PDE4D: variants seen among roughly 807,000 people sequenced by gnomAD.
PDE4D encodes 3',5'-cyclic-AMP phosphodiesterase 4D.
In PDE4D, 24 loss-of-function variants were observed where a neutral mutation model predicts 87.4. The observed-to-expected ratio is 0.27, with a 90% CI of 0.20 to 0.39. The LOEUF (loss-of-function observed/expected upper bound fraction) is 0.39, where lower values mean the gene tolerates loss of function less well. Among genes scored for constraint, PDE4D ranks in the 10% least tolerant of loss-of-function variants. PDE4D has a pLI of 1.00. For synonymous variants in PDE4D, 384 were observed against 383.2 expected (o/e 1.00, Z -0.02); for missense variants, 714 against 1,041.0 (o/e 0.69, Z 4.32).
At chr5:59,329,154 C>A (rs775295552) in intron 1 of PDE4D, among the ~76,000 whole-genome samples, 70 of 152,182 alleles carry the variant, frequency 4.6e-4, no homozygotes, top group Non-Finnish European at 8.5e-4. Flanking sequence ...CCATAGGCTC[C>A]ACCCAGTTGC....
intron 1 of PDE4D, among the ~76,000 whole-genome samples, chr5:59,689,633 T>C (rs969886853): frequency 7.2e-5 from 11 of 152,156 alleles, no homozygotes; most frequent in Non-Finnish European, 1.5e-4. Flanking sequence ...GGGCAAAAGC[T>C]AGAAGCATTC....
At chr5:60,246,127 TTTC>T (rs1396041031) in intron 1 of PDE4D, among the ~76,000 whole-genome samples, 1 of 151,832 alleles carries the variant, frequency 6.6e-6, no homozygotes, top group Admixed American at 6.6e-5. Flanking sequence ...CTTTTTTCAT[TTTC>T]TTATATAGGC....
chr5:60,059,967 C>A (rs564851632), intron 2 of PDE4D, among the ~76,000 whole-genome samples: 2 of 152,038 alleles, frequency 1.3e-5, no homozygotes, highest in Non-Finnish European at 2.9e-5. Context: ...GCTTTTCATT[C>A]CTTAAACTTG....
intron 2 of PDE4D, among the ~76,000 whole-genome samples, chr5:60,171,488 C>T (rs550784941): frequency 9.4e-4 from 143 of 152,106 alleles, no homozygotes; most frequent in Middle Eastern, 3.4e-3. Flanking sequence ...TAGAGAAATG[C>T]ATGGATCTGA....
chr5:58,987,485 C>G (rs919097698), intron 11 of PDE4D, among the ~76,000 whole-genome samples: 1 of 152,116 alleles, frequency 6.6e-6, no homozygotes, highest in African/African-American at 2.4e-5. Context: ...AATCCTAAAG[C>G]TCTGAATTAA....
chr5:59,706,502 T>C (rs1029410038), intron 1 of PDE4D, among the ~76,000 whole-genome samples: 5 of 152,126 alleles, frequency 3.3e-5, no homozygotes, highest in African/African-American at 1.2e-4. Context: ...AAATCTGACA[T>C]TCTGTGCTCA....
chr5:59,499,804 C>T (rs746425873), intron 1 of PDE4D, among the ~76,000 whole-genome samples: 9 of 151,624 alleles, frequency 5.9e-5, no homozygotes, highest in Non-Finnish European at 1.2e-4. Flanking sequence ...CAAAAATAGC[C>T]CTGAACCAAA....
intron 1 of PDE4D, among the ~76,000 whole-genome samples, chr5:59,540,657 G>A (rs1816163146): frequency 6.6e-6 from 1 of 152,212 alleles, no homozygotes; most frequent in Non-Finnish European, 1.5e-5. Flanking sequence ...GTTGCTCAGT[G>A]TGAATTCTCA....
chr5:60,123,881 A>C (rs1455691668), intron 2 of PDE4D, among the ~76,000 whole-genome samples: 2 of 152,224 alleles, frequency 1.3e-5, no homozygotes, highest in Non-Finnish European at 2.9e-5. Context: ...TAAAATTCCA[A>C]ATAAATTAAA....
intron 1 of PDE4D, among the ~76,000 whole-genome samples, chr5:60,261,362 A>T (rs1038956284): frequency 1.3e-5 from 2 of 152,098 alleles, no homozygotes; most frequent in African/African-American, 4.8e-5. Flanking sequence ...ATTTGAACTG[A>T]TTCTCCTTCT....
chr5:59,534,357 T>C (rs977631409), intron 1 of PDE4D, among the ~76,000 whole-genome samples: 2 of 152,144 alleles, frequency 1.3e-5, no homozygotes, highest in Non-Finnish European at 2.9e-5. Flanking sequence ...TATTGTATGG[T>C]CTATAGTTTT....
intron 2 of PDE4D, among the ~76,000 whole-genome samples, chr5:60,017,414 A>G (rs1037089204): frequency 6.6e-6 from 1 of 152,090 alleles, no homozygotes; most frequent in Non-Finnish European, 1.5e-5. Context: ...TAAGCCCCAC[A>G]TGCATTAGCT....
chr5:60,449,833 T>C (rs191988701), intron 1 of PDE4D, among the ~76,000 whole-genome samples: 2 of 151,392 alleles, frequency 1.3e-5, no homozygotes, highest in Admixed American at 1.3e-4. Flanking sequence ...TGTATACATA[T>C]GTAACTAACC....
At position 59,893,234 on chromosome 5, in the gene PDE4D, G is replaced by A; in HGVS notation, c.389C>T (p.Thr130Ile). 6.4e-7 allele frequency: 1 copy of A among 1,558,858 alleles called. No homozygotes were observed. The highest frequency in any genetic ancestry group is 8.7e-7 in the Non-Finnish European group (1 of 1,151,062). ...AMDRTSYAVE[T>I]GHRPGLKKSR... ...TTTCTTCAGGCCGGGCCGGTGGCCGGTCTCCACCGCGTAGGAGGTGCGGTC... is the reference window on the plus strand; with the variant it reads ...TTTCTTCAGGCCGGGCCGGTGGCCGATCTCCACCGCGTAGGAGGTGCGGTC... Residue 130 changes from threonine (T) to isoleucine (I), a missense_variant, in exon 1 of 15, where the codon ACC becomes ATC. Thr to Ile is a moderately conservative substitution (Grantham distance 89). Around this residue, in one of 7 missense-constraint regions of PDE4D, gnomAD observed 268 missense variants for 272.9 expected, o/e 0.98. Coordinates refer to ENST00000340635, the MANE Select transcript of PDE4D (RefSeq NM_001104631.2).
At chr5:59,896,419 G>T (rs1751663649), upstream of PDE4D, among the ~76,000 whole-genome samples, 1 of 151,766 alleles carries the variant, frequency 6.6e-6, no homozygotes, top group Non-Finnish European at 1.5e-5. Flanking sequence ...AAACTTTGAT[G>T]TTATCAGAAT....
chr5:60,051,562 C>G (rs748291973), intron 2 of PDE4D, among the ~76,000 whole-genome samples: 9 of 152,120 alleles, frequency 5.9e-5, no homozygotes, highest in Non-Finnish European at 1.2e-4. Flanking sequence ...ATTTATAGGA[C>G]CAAATGCCCA....
At chr5:59,320,826 C>A (rs1414768409) in intron 1 of PDE4D, among the ~76,000 whole-genome samples, 1 of 151,868 alleles carries the variant, frequency 6.6e-6, no homozygotes, top group Non-Finnish European at 1.5e-5. Context: ...TCTTTTCTTC[C>A]TTCTTTCCTT....
intron 2 of PDE4D, among the ~76,000 whole-genome samples, chr5:60,176,374 G>T (rs779403623): frequency 2.0e-5 from 3 of 151,982 alleles, no homozygotes; most frequent in Non-Finnish European, 4.4e-5. Context: ...TGAATAGGTA[G>T]TTTGTATAGA....
intron 1 of PDE4D, among the ~76,000 whole-genome samples, chr5:59,581,513 T>G (rs886601327): frequency 6.6e-6 from 1 of 152,198 alleles, no homozygotes; most frequent in Non-Finnish European, 1.5e-5. Flanking sequence ...TTTTTCCTTT[T>G]GTAAGATTTC....
Sources: gnomAD v4.1 joint callset for allele counts (sites outside exome capture counted in the v4.1 genomes callset) on GRCh38, gnomAD v4.1.1 for gene constraint, gnomAD v4.1.1 regional missense constraint, MANE v1.5 for transcripts, NCBI Gene and HGNC (gene_info 2026-07-23, HGNC 2026-07-21) for gene names.